Variants in PCDH9 observed in about 807,000 individuals in gnomAD.
PCDH9 encodes protocadherin-9.
In PCDH9, 24 loss-of-function variants were observed where a neutral mutation model predicts 70.6. That is an observed-to-expected ratio of 0.34 (90% confidence interval 0.25 to 0.48). The LOEUF is 0.48. Ranked by LOEUF, PCDH9 falls within the 20% of genes least tolerant of loss-of-function variation. The pLI is 0.99. For synonymous variants in PCDH9, 562 were observed against 558.5 expected, an observed-to-expected ratio of 1.01 and a Z score of -0.09; for missense variants, 1,281 against 1,503.6, an observed-to-expected ratio of 0.85 and a Z score of 2.45.
chr13:67,126,804 T>G (rs1445390130), intron 2 of PCDH9, among the ~76,000 whole-genome samples: 1 of 152,138 alleles, frequency 6.6e-6, no homozygotes, highest in Non-Finnish European at 1.5e-5. Flanking sequence ...GAGCAGAGAC[T>G]GCGCCACTGC....
At chr13:66,829,930 T>C (rs990562392) in intron 3 of PCDH9, among the ~76,000 whole-genome samples, 1 of 132,954 alleles carries the variant, frequency 7.5e-6, no homozygotes, top group Non-Finnish European at 1.6e-5. Context: ...GTAAAAATTA[T>C]ATAAAAGAAT....
chr13:66,612,324 T>A (rs949077354), intron 4 of PCDH9, among the ~76,000 whole-genome samples: 1 of 152,172 alleles, frequency 6.6e-6, no homozygotes, highest in African/African-American at 2.4e-5. Context: ...TTTGCAATAA[T>A]CAGTGAAAGA....
intron 2 of PCDH9, among the ~76,000 whole-genome samples, chr13:67,112,641 T>TTCTC (rs1405479508): frequency 2.0e-5 from 3 of 150,206 alleles, no homozygotes; most frequent in Non-Finnish European, 4.4e-5. Context: ...CTTTCTCTCT[T>TTCTC]TCTCTCTCCC....
intron 4 of PCDH9, among the ~76,000 whole-genome samples, chr13:66,378,103 T>G (rs1228850097): frequency 1.3e-5 from 2 of 152,174 alleles, no homozygotes; most frequent in African/African-American, 4.8e-5. Flanking sequence ...GTTACATTTT[T>G]CTATTCCTCT....
intron 4 of PCDH9, among the ~76,000 whole-genome samples, chr13:66,484,162 A>G (rs1414812618): frequency 6.6e-6 from 1 of 152,072 alleles, no homozygotes; most frequent in Non-Finnish European, 1.5e-5. Flanking sequence ...CTCTATACCA[A>G]GGCGAGAAAC....
chr13:66,388,192 C>T (rs531534044), intron 4 of PCDH9, among the ~76,000 whole-genome samples: 72 of 152,188 alleles, frequency 4.7e-4, no homozygotes, highest in African/African-American at 1.6e-3. Flanking sequence ...ATATAATGAA[C>T]TCTTCCAGAC....
chr13:66,718,919 G>C (rs1016401833), intron 3 of PCDH9, among the ~76,000 whole-genome samples: 2 of 152,208 alleles, frequency 1.3e-5, no homozygotes, highest in Non-Finnish European at 2.9e-5. Context: ...ACATGGGATT[G>C]TTCCAAGTGC....
intron 2 of PCDH9, among the ~76,000 whole-genome samples, chr13:67,162,526 A>G (rs918630582): frequency 2.6e-5 from 4 of 152,202 alleles, no homozygotes; most frequent in Non-Finnish European, 4.4e-5. Flanking sequence ...ACAACCATCA[A>G]AAGCCTTTCC....
chr13:66,679,432 C>T (rs931903530), intron 3 of PCDH9, among the ~76,000 whole-genome samples: 2 of 151,772 alleles, frequency 1.3e-5, no homozygotes, highest in Non-Finnish European at 2.9e-5. Context: ...CCCATGGGCA[C>T]AAAAACATAC....
At chr13:66,458,818 A>G (rs536083125) in intron 4 of PCDH9, among the ~76,000 whole-genome samples, 60 of 152,160 alleles carry the variant, frequency 3.9e-4, no homozygotes, top group Admixed American at 1.3e-3. Flanking sequence ...AACCACTTAA[A>G]CTAAAAGTTA....
intron 2 of PCDH9, among the ~76,000 whole-genome samples, chr13:66,948,732 C>T (rs1023631323): frequency 6.6e-6 from 1 of 152,064 alleles, no homozygotes; most frequent in Admixed American, 6.6e-5. Flanking sequence ...ACTCAGCAGT[C>T]TCATACTAGG....
chr13:66,698,895 CTTTTTTTTTTTT>C (rs67333897), intron 3 of PCDH9, among the ~76,000 whole-genome samples: 1 of 61,132 alleles, frequency 1.6e-5, no homozygotes, highest in African/African-American at 5.5e-5. Context: ...CTCAATTCCT[CTTTTTTTTTTTT>C]TTTTTTTTTT....
chr13:66,912,752 C>T (rs2082490010), intron 2 of PCDH9, among the ~76,000 whole-genome samples: 2 of 151,694 alleles, frequency 1.3e-5, no homozygotes, highest in South Asian at 4.2e-4. Flanking sequence ...AACCATATAC[C>T]TTACTAAGTT....
At chr13:66,464,851 T>C (rs1434753141) in intron 4 of PCDH9, among the ~76,000 whole-genome samples, 1 of 151,982 alleles carries the variant, frequency 6.6e-6, no homozygotes, top group Non-Finnish European at 1.5e-5. Flanking sequence ...ATGAGTTCCA[T>C]GGTTCTAACT....
intron 4 of PCDH9, among the ~76,000 whole-genome samples, chr13:66,411,709 C>G (rs941782372): frequency 6.6e-6 from 1 of 151,990 alleles, no homozygotes; most frequent in East Asian, 1.9e-4. Flanking sequence ...AAATAAATAC[C>G]TTGGAGGCAG....
intron 4 of PCDH9, among the ~76,000 whole-genome samples, chr13:66,375,950 A>G (rs1025045327): frequency 6.6e-6 from 1 of 152,118 alleles, no homozygotes; most frequent in African/African-American, 2.4e-5. Flanking sequence ...AGTGCATCTA[A>G]TAAGAAACAG....
At chr13:66,870,628 C>T (rs2081660288) in intron 3 of PCDH9, among the ~76,000 whole-genome samples, 1 of 152,132 alleles carries the variant, frequency 6.6e-6, no homozygotes, top group Non-Finnish European at 1.5e-5. Flanking sequence ...CCAAAAAACA[C>T]ATGAAAAAAT....
chr13:66,375,360 C>T (rs971468858), intron 4 of PCDH9, among the ~76,000 whole-genome samples: 1 of 151,934 alleles, frequency 6.6e-6, no homozygotes, highest in South Asian at 2.1e-4. Flanking sequence ...TTTTTACTCA[C>T]TCATTTCATA....
chr13:66,814,500 A>G (rs1172722548), intron 3 of PCDH9, among the ~76,000 whole-genome samples: 2 of 152,150 alleles, frequency 1.3e-5, no homozygotes, highest in Admixed American at 6.5e-5. Flanking sequence ...ATAAATACTT[A>G]TCAAATTAGT....
Sources: allele counts gnomAD v4.1 joint callset (sites outside exome capture counted in the v4.1 genomes callset), GRCh38; gene constraint gnomAD v4.1.1; transcripts MANE v1.5; gene names NCBI Gene and HGNC (gene_info 2026-07-23, HGNC 2026-07-21).